Variants in ERC1 observed in about 807,000 individuals in gnomAD.
The protein encoded by ERC1 is RAB6 interacting protein 2.
In ERC1, 56 loss-of-function variants were observed where a neutral mutation model predicts 132.0. That is an observed-to-expected ratio of 0.42 (90% CI 0.34 to 0.53). ERC1 has a LOEUF of 0.53. Among genes scored for constraint, ERC1 ranks in the 20% least tolerant of loss-of-function variants. The pLI, the probability that ERC1 is intolerant of heterozygous loss-of-function variation, is 0.03. For synonymous variants in ERC1, 478 were observed against 476.1 expected, an observed-to-expected ratio of 1.00 and a Z score of -0.05; for missense variants, 1,202 against 1,349.9, an observed-to-expected ratio of 0.89 and a Z score of 1.72.
intron 1 of ERC1, chr12:991,905 G>A (rs1959488990): frequency 6.6e-6 from 1 of 151,308 alleles, no homozygotes; most frequent in African/African-American, 2.4e-5. Flanking sequence ...TGCCTTTGAG[G>A]CAGTTGCAGA....
chr12:1,429,489 GATGTGAAACTTTTATT>G (rs1203827746), intron 17 of ERC1, among the ~76,000 whole-genome samples: 2 of 152,274 alleles, frequency 1.3e-5, no homozygotes, highest in South Asian at 2.1e-4. Flanking sequence ...AATTCTATGT[GATGTGAAACTTTTATT>G]ATTTTGGTTT....
chr12:1,288,403 C>T (rs2079182824), intron 14 of ERC1, among the ~76,000 whole-genome samples: 1 of 152,212 alleles, frequency 6.6e-6, no homozygotes, highest in Admixed American at 6.5e-5. Context: ...GCACGAGCCA[C>T]AGCGCCCGGC....
At chr12:1,463,174 T>C (rs1219992206) in intron 18 of ERC1, among the ~76,000 whole-genome samples, 1 of 152,218 alleles carries the variant, frequency 6.6e-6, no homozygotes, top group East Asian at 1.9e-4. Flanking sequence ...ACTCTTTAAC[T>C]TGCACCCCTC....
chr12:1,461,978 A>G (rs1223103355), intron 18 of ERC1, among the ~76,000 whole-genome samples: 1 of 152,218 alleles, frequency 6.6e-6, no homozygotes, highest in Non-Finnish European at 1.5e-5. Context: ...TATTGAGAAG[A>G]TATTTTAAAA....
chr12:1,199,300 G>A (rs1406937679), intron 12 of ERC1, among the ~76,000 whole-genome samples: 4 of 152,236 alleles, frequency 2.6e-5, no homozygotes, highest in Non-Finnish European at 5.9e-5. Context: ...TTCAACATGA[G>A]ATTTGGGTGG....
intron 12 of ERC1, among the ~76,000 whole-genome samples, chr12:1,235,703 G>C (rs2075367219): frequency 6.6e-6 from 1 of 152,050 alleles, no homozygotes; most frequent in Non-Finnish European, 1.5e-5. Context: ...GATGTGGAGA[G>C]GTATAATGGC....
At chr12:1,196,878 CTG>C (rs1389107337) in intron 12 of ERC1, among the ~76,000 whole-genome samples, 39 of 143,146 alleles carry the variant, frequency 2.7e-4, no homozygotes, top group Admixed American at 4.9e-4. Flanking sequence ...CTCTCTCTCT[CTG>C]TCTGTCTGTC....
chr12:1,201,568 C>T (rs1180063685), intron 12 of ERC1, among the ~76,000 whole-genome samples: 2 of 152,026 alleles, frequency 1.3e-5, no homozygotes, highest in Non-Finnish European at 2.9e-5. Context: ...TCTTTTGGAC[C>T]ATCTCCTTGG....
chr12:1,156,328 T>C (rs1412999473), intron 8 of ERC1, among the ~76,000 whole-genome samples: 1 of 152,068 alleles, frequency 6.6e-6, no homozygotes, highest in East Asian at 1.9e-4. Context: ...GGCCTCTGCC[T>C]CCCAGGTTCA....
chr12:1,050,706 A>G (rs1028318311), intron 2 of ERC1, among the ~76,000 whole-genome samples: 3 of 152,342 alleles, frequency 2.0e-5, no homozygotes, highest in Non-Finnish European at 4.4e-5. Flanking sequence ...TTGCCAAAAA[A>G]TAAAAAATGA....
At chr12:1,441,226 T>G (rs765731486) in intron 17 of ERC1, among the ~76,000 whole-genome samples, 1 of 151,188 alleles carries the variant, frequency 6.6e-6, no homozygotes, top group Non-Finnish European at 1.5e-5. Context: ...GCCTGGCTGA[T>G]TTTTGTATTT....
chr12:1,058,292 T>A (rs1005542687), intron 2 of ERC1, among the ~76,000 whole-genome samples: 10 of 150,402 alleles, frequency 6.6e-5, no homozygotes, highest in Non-Finnish European at 1.3e-4. Flanking sequence ...TCCCCTACAT[T>A]TTTTTTTCTA....
intron 18 of ERC1, among the ~76,000 whole-genome samples, chr12:1,484,170 TAGCG>T: frequency 6.6e-6 from 1 of 151,858 alleles, no homozygotes. Context: ...CCGAGCGTGG[TAGCG>T]GGCACCTGTA....
chr12:1,091,041 G>C (rs1216577245), intron 3 of ERC1, among the ~76,000 whole-genome samples: 1 of 151,952 alleles, frequency 6.6e-6, no homozygotes, highest in African/African-American at 2.4e-5. Context: ...GGGACAACAG[G>C]CGTGCACAAG....
chr12:1,149,996 G>A (rs1283238892), intron 8 of ERC1, among the ~76,000 whole-genome samples: 3 of 152,124 alleles, frequency 2.0e-5, no homozygotes, highest in Admixed American at 6.5e-5. Flanking sequence ...GAGAAGAATC[G>A]AATCAAGATT....
At chr12:1,324,379 T>G (rs2082313588) in intron 15 of ERC1, among the ~76,000 whole-genome samples, 1 of 152,134 alleles carries the variant, frequency 6.6e-6, no homozygotes, top group South Asian at 2.1e-4. Context: ...CTGCCAAGAT[T>G]TTTGCTTTTT....
intron 2 of ERC1, among the ~76,000 whole-genome samples, chr12:1,041,655 A>C (rs189291530): frequency 1.3e-5 from 2 of 152,314 alleles, no homozygotes; most frequent in East Asian, 3.9e-4. Context: ...ATTGTAATAA[A>C]ATATTATGAC....
At chr12:1,344,966 T>C (rs2084295914) in intron 15 of ERC1, among the ~76,000 whole-genome samples, 1 of 152,072 alleles carries the variant, frequency 6.6e-6, no homozygotes, top group South Asian at 2.1e-4. Context: ...CTTTTATAAA[T>C]TTAAGCAGTA....
intron 3 of ERC1, among the ~76,000 whole-genome samples, chr12:1,091,133 C>A (rs756821538): frequency 1.8e-4 from 28 of 152,162 alleles, no homozygotes; most frequent in Non-Finnish European, 2.6e-4. Flanking sequence ...AGGTGATCTG[C>A]CTGACTCGGC....
Sources: gnomAD v4.1 joint callset for allele counts (sites outside exome capture counted in the v4.1 genomes callset) on GRCh38, gnomAD v4.1.1 for gene constraint, MANE v1.5 for transcripts, NCBI Gene and HGNC (gene_info 2026-07-23, HGNC 2026-07-21) for gene names.